Variants in ADGRL3 observed in about 807,000 individuals in gnomAD.
ADGRL3 encodes adhesion G protein-coupled receptor L3.
In ADGRL3, 62 loss-of-function variants were observed where a neutral mutation model predicts 153.5. That is an observed-to-expected ratio of 0.40 (90% CI 0.33 to 0.50). ADGRL3 has a LOEUF of 0.50. ADGRL3 is among the 20% of genes least tolerant of loss of function. ADGRL3 has a pLI of 0.47. For synonymous variants in ADGRL3, 710 were observed against 672.5 expected (o/e 1.06, Z -0.86); for missense variants, 1,641 against 1,859.4 (o/e 0.88, Z 2.16).
intron 1 of ADGRL3, among the ~76,000 whole-genome samples, chr4:61,373,030 G>A (rs950153276): frequency 6.6e-6 from 1 of 152,194 alleles, no homozygotes; most frequent in Admixed American, 6.5e-5. Flanking sequence ...ATTAGGAAAG[G>A]GAACTCCCTG....
intron 1 of ADGRL3, among the ~76,000 whole-genome samples, chr4:61,379,215 A>G (rs1268656074): frequency 3.9e-5 from 6 of 151,942 alleles, no homozygotes; most frequent in African/African-American, 1.4e-4. Flanking sequence ...AAAGGATTTG[A>G]CCATCATAAG....
At chr4:61,297,385 G>T (rs753090115) in intron 1 of ADGRL3, among the ~76,000 whole-genome samples, 1 of 151,934 alleles carries the variant, frequency 6.6e-6, no homozygotes, top group Non-Finnish European at 1.5e-5. Context: ...CTAAATTGCC[G>T]ATTTCAGTCT....
At chr4:61,650,171 G>A (rs1384550053) in intron 5 of ADGRL3, among the ~76,000 whole-genome samples, 1 of 152,010 alleles carries the variant, frequency 6.6e-6, no homozygotes, top group African/African-American at 2.4e-5. Flanking sequence ...TGTTTTATAT[G>A]CCATCCTATA....
intron 1 of ADGRL3, among the ~76,000 whole-genome samples, chr4:61,303,786 T>C (rs1403760345): frequency 1.3e-5 from 2 of 152,148 alleles, no homozygotes; most frequent in African/African-American, 2.4e-5. Flanking sequence ...GACTCTCTAG[T>C]ACAGTTTGAT....
intron 17 of ADGRL3, among the ~76,000 whole-genome samples, chr4:61,978,187 CCTT>C (rs1581718559): frequency 6.6e-6 from 1 of 152,090 alleles, no homozygotes; most frequent in Admixed American, 6.6e-5. Context: ...AAAGACAACT[CCTT>C]CTTGTCAACT....
chr4:61,290,764 T>C (rs1313216467), intron 1 of ADGRL3, among the ~76,000 whole-genome samples: 1 of 151,252 alleles, frequency 6.6e-6, no homozygotes, highest in Non-Finnish European at 1.5e-5. Flanking sequence ...AGGAAGGAAA[T>C]TAATTTTAGT....
At chr4:61,540,178 C>T (rs1033453084) in intron 4 of ADGRL3, among the ~76,000 whole-genome samples, 3 of 152,180 alleles carry the variant, frequency 2.0e-5, no homozygotes, top group African/African-American at 7.2e-5. Context: ...CTAAATATTT[C>T]AGCTCAGGGA....
At chr4:61,420,121 C>T (rs922741657) in intron 2 of ADGRL3, 1 of 151,976 alleles carries the variant, frequency 6.6e-6, no homozygotes, top group African/African-American at 2.4e-5. Context: ...ATATTTTAAA[C>T]GATCTTTTTA....
chr4:61,221,887 A>G (rs1279316427), intron 1 of ADGRL3, among the ~76,000 whole-genome samples: 1 of 152,152 alleles, frequency 6.6e-6, no homozygotes, highest in Non-Finnish European at 1.5e-5. Flanking sequence ...ATCCATTTCA[A>G]TCAGCATGCT....
chr4:61,886,180 T>C (rs1401138471), intron 9 of ADGRL3, among the ~76,000 whole-genome samples: 1 of 152,114 alleles, frequency 6.6e-6, no homozygotes, highest in Non-Finnish European at 1.5e-5. Context: ...ATTAGATAAT[T>C]TCATGACCGA....
intron 2 of ADGRL3, among the ~76,000 whole-genome samples, chr4:61,477,295 C>G (rs541457876): frequency 6.6e-6 from 1 of 151,994 alleles, no homozygotes; most frequent in African/African-American, 2.4e-5. Flanking sequence ...GGTGGTCCTT[C>G]CTATTTTATT....
At chr4:62,033,278 G>A (rs545307440) in intron 23 of ADGRL3, among the ~76,000 whole-genome samples, 3 of 151,712 alleles carry the variant, frequency 2.0e-5, no homozygotes, top group Admixed American at 6.6e-5. Flanking sequence ...TTATCAGATA[G>A]GGTTCTATCG....
At chr4:61,512,367 A>C (rs564272999) in intron 3 of ADGRL3, among the ~76,000 whole-genome samples, 4 of 152,264 alleles carry the variant, frequency 2.6e-5, no homozygotes, top group Admixed American at 1.3e-4. Context: ...GTAATAATAT[A>C]TTTTAAGTGA....
chr4:61,503,591 A>C (rs2098406754), intron 3 of ADGRL3, among the ~76,000 whole-genome samples: 1 of 152,048 alleles, frequency 6.6e-6, no homozygotes, highest in African/African-American at 2.4e-5. Context: ...CTTCATAAAA[A>C]TATATTTTTT....
At chr4:61,714,886 C>T (rs555952901) in intron 6 of ADGRL3, among the ~76,000 whole-genome samples, 1 of 152,200 alleles carries the variant, frequency 6.6e-6, no homozygotes, top group South Asian at 2.1e-4. Flanking sequence ...TTGTCTTGGG[C>T]TCAACTTTTT....
At chr4:61,533,429 C>T (rs2098635658) in intron 4 of ADGRL3, among the ~76,000 whole-genome samples, 2 of 151,870 alleles carry the variant, frequency 1.3e-5, no homozygotes, top group Admixed American at 6.6e-5. Flanking sequence ...ATATATATTT[C>T]CTGGGAAACT....
chr4:61,681,986 A>C (rs1186605899), intron 6 of ADGRL3, among the ~76,000 whole-genome samples: 1 of 152,042 alleles, frequency 6.6e-6, no homozygotes, highest in Non-Finnish European at 1.5e-5. Flanking sequence ...GAAGAAAGAA[A>C]ATTTAGTCAA....
chr4:61,974,494 A>G (rs1026429764), intron 17 of ADGRL3, among the ~76,000 whole-genome samples: 1 of 152,180 alleles, frequency 6.6e-6, no homozygotes, highest in African/African-American at 2.4e-5. Context: ...GCTATTGAGC[A>G]TGAAAAAATT....
intron 26 of ADGRL3, among the ~76,000 whole-genome samples, chr4:62,069,024 C>T (rs1451234057): frequency 6.6e-6 from 1 of 151,992 alleles, no homozygotes; most frequent in Non-Finnish European, 1.5e-5. Flanking sequence ...TAAATAAGCA[C>T]CCTTTCTTAT....
Sources: allele counts gnomAD v4.1 joint callset (sites outside exome capture counted in the v4.1 genomes callset), GRCh38; gene constraint gnomAD v4.1.1; transcripts MANE v1.5; gene names NCBI Gene and HGNC (gene_info 2026-07-23, HGNC 2026-07-21).